The following GSG1L variants were observed in gnomAD, a reference collection of about 807,000 sequenced individuals.
GSG1L encodes the protein germ cell-specific gene 1-like protein.
Under a neutral mutation model 42.1 loss-of-function variants are expected in GSG1L, and 24 were observed. That is an observed-to-expected ratio of 0.57 (90% CI 0.41 to 0.80). GSG1L has a LOEUF of 0.80. Among genes scored for constraint, GSG1L ranks in the 30% least tolerant of loss-of-function variants. GSG1L has a pLI of 0.00. For synonymous variants in GSG1L, 215 were observed against 203.5 expected (o/e 1.06, Z -0.48); for missense variants, 445 against 472.2 (o/e 0.94, Z 0.53).
intron 1 of GSG1L, among the ~76,000 whole-genome samples, chr16:28,022,668 T>C (rs1393993797): frequency 1.3e-5 from 2 of 151,832 alleles, no homozygotes; most frequent in Non-Finnish European, 2.9e-5. Flanking sequence ...TTGTTTTTTG[T>C]TTTGTTTTGT....
intron 2 of GSG1L, among the ~76,000 whole-genome samples, chr16:27,918,529 G>A (rs1379750223): frequency 6.6e-6 from 1 of 151,898 alleles, no homozygotes; most frequent in Non-Finnish European, 1.5e-5. Flanking sequence ...CATGGTGGCG[G>A]GCGCCTGTGG....
Position 27,958,685 on chromosome 16 carries a change from C to CT in GSG1L, c.397+4470dup, listed in dbSNP as rs1001682001. On this transcript the variant is annotated intron_variant, in intron 2 of 6. Transcript: ENST00000447459. The stretch of plus-strand genomic sequence containing the variant: ...CTTGGGGCTATCAAAACTTCTTTTT[C>CT]TTTTTTTTGAGACAGAGTCTTGCTC... Among the ~76,000 whole-genome samples, 14 of 151,770 alleles carry CT rather than the reference C, an allele frequency of 9.2e-5. No homozygotes were observed. The East Asian group carries it at 1.8e-3, about 19-fold the overall frequency.
intron 1 of GSG1L, among the ~76,000 whole-genome samples, chr16:28,022,136 G>A (rs539812466): frequency 8.5e-5 from 13 of 152,264 alleles, no homozygotes; most frequent in African/African-American, 2.4e-4. Flanking sequence ...ATTGACCGTC[G>A]TAATAACACC....
Position 27,890,059 on chromosome 16 carries a change from G to A in GSG1L, c.398-5421C>T, listed in dbSNP as rs111728872. On this transcript the variant is annotated intron_variant, in intron 2 of 6. Coordinates refer to ENST00000447459, the MANE Select transcript of GSG1L (RefSeq NM_001109763.2). ...AACCATGGTCAGCAAGGAGGCTGTC[G>A]TCAGGACAGAGTGGCCACTTGGAGA... is the stretch of plus-strand genomic sequence containing the variant. 4.0e-4 allele frequency among the ~76,000 whole-genome samples: 61 copies of A among 152,270 alleles called. 1 individual carries two copies. Among genetic ancestry groups the A allele is most frequent in the African/African-American group, 1.2e-3 (49 of 41,564 alleles).
intron 1 of GSG1L, among the ~76,000 whole-genome samples, chr16:28,001,338 G>A (rs754007918): frequency 6.6e-5 from 10 of 152,312 alleles, no homozygotes; most frequent in Admixed American, 6.5e-5. Flanking sequence ...AGCCTGTGAC[G>A]TCTGTGTGCT....
intron 2 of GSG1L, among the ~76,000 whole-genome samples, chr16:27,894,530 G>C (rs1054673469): frequency 1.3e-5 from 2 of 152,216 alleles, no homozygotes; most frequent in Non-Finnish European, 2.9e-5. Context: ...CGCAGTGGCC[G>C]CTGGCTGTGA....
chr16:27,888,458 T>TTCTTTCTTTCTCTCTC (rs2084064391), intron 2 of GSG1L, among the ~76,000 whole-genome samples: 2 of 45,538 alleles, frequency 4.4e-5, no homozygotes, highest in East Asian at 6.4e-4. Flanking sequence ...CTTTCTTTCT[T>TTCTTTCTTTCTCTCTC]TCTTTCTCTC....
chr16:27,862,628 C>T (rs1266700378), intron 3 of GSG1L, among the ~76,000 whole-genome samples: 1 of 152,222 alleles, frequency 6.6e-6, no homozygotes, highest in African/African-American at 2.4e-5. Flanking sequence ...GGCTCTGGGG[C>T]TGGCTGGTTC....
At chr16:28,057,802 G>A (rs1224968216) in intron 1 of GSG1L, among the ~76,000 whole-genome samples, 1 of 152,158 alleles carries the variant, frequency 6.6e-6, no homozygotes, top group Non-Finnish European at 1.5e-5. Context: ...GGAAACTGAG[G>A]CCCAGAGAGG....
intron 2 of GSG1L, among the ~76,000 whole-genome samples, chr16:27,892,924 T>C (rs933442887): frequency 6.6e-6 from 1 of 152,134 alleles, no homozygotes; most frequent in Non-Finnish European, 1.5e-5. Context: ...GCAGAATGCC[T>C]GGCCTGTGAT....
At chr16:27,940,850 T>A (rs2084784431) in intron 2 of GSG1L, among the ~76,000 whole-genome samples, 1 of 149,570 alleles carries the variant, frequency 6.7e-6, no homozygotes, top group African/African-American at 2.5e-5. Context: ...ACTTAAAGTA[T>A]AATAATAATA....
At chr16:28,021,254 A>G (rs947908303) in intron 1 of GSG1L, among the ~76,000 whole-genome samples, 2 of 152,144 alleles carry the variant, frequency 1.3e-5, no homozygotes, top group Non-Finnish European at 2.9e-5. Flanking sequence ...GCAAGTACAC[A>G]GACTTATCAG....
intron 1 of GSG1L, among the ~76,000 whole-genome samples, chr16:28,013,736 T>C (rs1006401186): frequency 2.6e-5 from 4 of 152,224 alleles, no homozygotes; most frequent in Non-Finnish European, 5.9e-5. Context: ...GTTTGTATAA[T>C]AGCAAACACT....
intron 5 of GSG1L, among the ~76,000 whole-genome samples, chr16:27,818,586 G>T (rs2083120700): frequency 6.6e-6 from 1 of 152,040 alleles, no homozygotes; most frequent in African/African-American, 2.4e-5. Flanking sequence ...GATTGAACAT[G>T]TCTCAGAGGC....
intron 2 of GSG1L, among the ~76,000 whole-genome samples, chr16:27,955,291 A>T (rs80276995): frequency 0.023 from 3,542 of 152,248 alleles, 54 homozygotes; most frequent in Middle Eastern, 0.065. Flanking sequence ...TATAACAAGA[A>T]AAAGCTCTTA....
In GSG1L at chr16:27,920,901, T is replaced by C. The variant is rs572263997; in HGVS notation, c.398-36263A>G. 3.9e-5 allele frequency among the ~76,000 whole-genome samples: 6 copies of C among 152,260 alleles called. No individual in the cohort carries two copies. In the South Asian group the frequency reaches 8.3e-4, roughly 21 times the overall value. On this transcript the variant is annotated intron_variant, in intron 2 of 6. Coordinates refer to ENST00000447459, the MANE Select transcript of GSG1L (RefSeq NM_001109763.2). ...GAATGCAGGGAGCTGGGAATATGTTTAGTCGTGGGGAATAAGGGGCCAGAT... is the reference window on the plus strand; with the variant it reads ...GAATGCAGGGAGCTGGGAATATGTTCAGTCGTGGGGAATAAGGGGCCAGAT...
At chr16:27,878,328 G>A (rs2384821) in intron 3 of GSG1L, among the ~76,000 whole-genome samples, 1 of 152,098 alleles carries the variant, frequency 6.6e-6, no homozygotes, top group East Asian at 1.9e-4. Flanking sequence ...GGTGGAAGGG[G>A]AAGCAAACAT....
intron 1 of GSG1L, among the ~76,000 whole-genome samples, chr16:28,022,100 G>A (rs886840259): frequency 1.3e-5 from 2 of 152,102 alleles, no homozygotes; most frequent in African/African-American, 2.4e-5. Flanking sequence ...AGGCTTAGGT[G>A]GCAAAATTAT....
intron 3 of GSG1L, among the ~76,000 whole-genome samples, chr16:27,873,557 C>T (rs1368341948): frequency 6.6e-6 from 1 of 152,244 alleles, no homozygotes; most frequent in Non-Finnish European, 1.5e-5. Flanking sequence ...ACCCCGCCCC[C>T]TCTTTGCCAG....
Sources: allele counts gnomAD v4.1 joint callset (sites outside exome capture counted in the v4.1 genomes callset), GRCh38; gene constraint gnomAD v4.1.1; transcripts MANE v1.5; gene names NCBI Gene and HGNC (gene_info 2026-07-23, HGNC 2026-07-21).